Variants in CAPN15 observed in about 807,000 individuals in gnomAD.
The protein encoded by CAPN15 is calpain-15.
In CAPN15, 53 loss-of-function variants were observed where a neutral mutation model predicts 97.9. The ratio of observed to expected loss-of-function variants is 0.54; its 90% confidence interval spans 0.43 to 0.68. The LOEUF is 0.68. CAPN15 is among the 30% of genes least tolerant of loss of function. The pLI, the probability that CAPN15 is intolerant of heterozygous loss-of-function variation, is 0.00. For synonymous variants in CAPN15, 922 were observed against 722.5 expected (o/e 1.28, Z -4.43); for missense variants, 1,592 against 1,589.8 (o/e 1.00, Z -0.02).
At chr16:550,816 T>C (rs1432184761) in intron 7 of CAPN15, among the ~76,000 whole-genome samples, 1 of 42,164 alleles carries the variant, frequency 2.4e-5, no homozygotes, top group Non-Finnish European at 4.5e-5. Flanking sequence ...AGGGCCCCGG[T>C]CGGTGAGGGT....
intron 3 of CAPN15, among the ~76,000 whole-genome samples, chr16:542,974 T>C (rs8050046): frequency 0.71 from 108,548 of 151,820 alleles, 40,134 homozygotes; most frequent in East Asian, 0.98. Flanking sequence ...TCGCTTGAAC[T>C]TGGGAGGCGG....
At chr16:553,089 C>T in intron 13 of CAPN15, 48 bp downstream of exon 13, 1 of 1,119,986 alleles carries the variant, frequency 8.9e-7, no homozygotes, top group Non-Finnish European at 1.2e-6. Context: ...TGCCCCCTCC[C>T]CTACCCCGCT....
rs529932606 is a variant in CAPN15 at position 554,375 on chromosome 16, C to G, written c.*859C>G. On this transcript the variant is annotated 3_prime_UTR_variant, in exon 14 of 14. Transcript: ENST00000219611. ...TGCCCTCCTGGCCCCTCACTCCCGG[C>G]AGCGGGCCGGCCTCGCCCCCACTCC... 45 of 393,296 alleles carry G rather than the reference C, an allele frequency of 1.1e-4. No homozygotes were observed. The highest frequency in any genetic ancestry group is 8.2e-4 in the Admixed American group (28 of 34,164). 24.4% of individuals were successfully genotyped at this position (393,296 alleles called of 1,614,324 possible). A position where few individuals can be genotyped will look rare whatever the true frequency, so the allele number is the denominator to read the frequency against.
At chr16:548,426 C>A in intron 4 of CAPN15, 139 bp downstream of exon 4, 1 of 872,306 alleles carries the variant, frequency 1.1e-6, no homozygotes, top group Admixed American at 3.6e-5. Context: ...CACCCTCCGC[C>A]CCGAGGCTCC....
chr16:551,209 G>A (rs1310924739), intron 7 of CAPN15, 93 bp from the exon 8 acceptor site: 3 of 1,471,542 alleles, frequency 2.0e-6, no homozygotes, highest in Non-Finnish European at 1.8e-6. Flanking sequence ...AGGGTCCCCA[G>A]TCGGTGAGGG....
intron 7 of CAPN15, among the ~76,000 whole-genome samples, chr16:550,894 CT>C (rs1461041327): frequency 4.7e-5 from 6 of 126,510 alleles, no homozygotes; most frequent in Admixed American, 7.4e-5. Context: ...GGTGAGGTCC[CT>C]GGTCGGTGAG....
At position 552,526 on chromosome 16, in the gene CAPN15, C is replaced by G; in HGVS notation, c.2733C>G (p.Pro911=). 1 of 1,599,378 alleles carries G rather than the reference C, an allele frequency of 6.3e-7. No homozygotes were observed. ...WGPPLPGTPA[P]QASSPSAGVP... The stretch of plus-strand genomic sequence containing the variant: ...CGCCCCTGCCGGGCACCCCTGCCCC[C>G]CAGGGTACGTGGCCCCTACCCCAGG... Residue 911 remains proline (P), a synonymous_variant, in exon 11 of 14, where the codon CCC becomes CCG. Transcript: ENST00000219611. The surrounding 1 kb of genome is among the most constrained non-coding windows in gnomAD (Gnocchi z 6.4).
chr16:542,509 C>A (rs966498200), intron 3 of CAPN15, among the ~76,000 whole-genome samples: 1 of 152,144 alleles, frequency 6.6e-6, no homozygotes, highest in Non-Finnish European at 1.5e-5. Flanking sequence ...TGGCTTTGAT[C>A]TGCGTTTCCC....
intron 1 of CAPN15, among the ~76,000 whole-genome samples, chr16:529,967 C>T (rs947239646): frequency 6.6e-6 from 1 of 152,260 alleles, no homozygotes; most frequent in African/African-American, 2.4e-5. Context: ...CTCTGTCCCT[C>T]TGGTCCTGCC....
Position 553,474 on chromosome 16 carries a change from C to T in CAPN15, c.3219C>T (p.Leu1073=), listed in dbSNP as rs375423362. 4 of 1,611,192 alleles carry T rather than the reference C, an allele frequency of 2.5e-6. No individual in the cohort carries two copies. Among genetic ancestry groups the T allele is most frequent in the Admixed American group, 3.3e-5 (2 of 59,920 alleles). The change falls in exon 14 of 14, where the codon CTC becomes CTT. Residue 1073 remains leucine (L), a synonymous_variant. Coordinates refer to ENST00000219611, the MANE Select transcript of CAPN15 (RefSeq NM_005632.3). ...TASKGTHSPP[L]TPEVAGLHGP... is the part of the protein sequence containing the mutation. ...CCAAGGGGACCCACAGCCCCCCACT[C>T]ACGCCAGAGGTCGCCGGTCTGCATG...
At chr16:531,534 G>A (rs1409874751) in intron 1 of CAPN15, among the ~76,000 whole-genome samples, 1 of 152,236 alleles carries the variant, frequency 6.6e-6, no homozygotes, top group African/African-American at 2.4e-5. Flanking sequence ...CTGCAGAGAG[G>A]CTGGAGCTGA....
chr16:538,211 C>T (rs111279842), intron 3 of CAPN15: 4 of 152,202 alleles, frequency 2.6e-5, no homozygotes, highest in Admixed American at 1.3e-4. Context: ...TGTGGAGAAG[C>T]GCCTGCAGGC....
At chr16:530,280 C>T (rs78834549) in intron 1 of CAPN15, among the ~76,000 whole-genome samples, 3,363 of 152,312 alleles carry the variant, frequency 0.022, 130 homozygotes, top group African/African-American at 0.077. Flanking sequence ...GGGCAGGGTC[C>T]GTTTCTGTTT....
In CAPN15 at chr16:549,598, G is replaced by T; in HGVS notation, c.1843-17G>T. On this transcript the variant is annotated splice_polypyrimidine_tract_variant and intron_variant, in intron 6 of 13. Transcript: ENST00000219611. ...TGGGGGGCGGGCGGGGGTGGCCTCT[G>T]ACCCGGCCCTCTGCAGGCGCAGCGG... The T allele has an allele frequency of 6.5e-7, 1 of 1,528,688 alleles. No homozygotes were observed. Among genetic ancestry groups the T allele is most frequent in the South Asian group, 1.2e-5 (1 of 83,590 alleles). 94.7% of individuals were successfully genotyped at this position (1,528,688 alleles called of 1,614,324 possible).
intron 3 of CAPN15, chr16:540,193 G>A (rs2034017092): frequency 9.1e-6 from 9 of 985,456 alleles, no homozygotes; most frequent in Non-Finnish European, 9.6e-6. Context: ...GGGGGCCATG[G>A]GGAGCTCCGC....
intron 2 of CAPN15, 80 bp downstream of exon 2, chr16:534,078 A>G: frequency 1.5e-6 from 1 of 651,404 alleles, no homozygotes; most frequent in Non-Finnish European, 1.8e-6. Flanking sequence ...GCAGGGTTGG[A>G]GTGCCCACGG....
At chr16:536,436 T>A (rs1301705766) in intron 3 of CAPN15, among the ~76,000 whole-genome samples, 1 of 151,908 alleles carries the variant, frequency 6.6e-6, no homozygotes, top group South Asian at 2.1e-4. Flanking sequence ...ATTTTTTTTT[T>A]TTTTGAGACG....
Position 552,801 on chromosome 16 carries a change from T to TGGGGGGGGGGGG in CAPN15, c.2904+34_2904+35insGGGGGGGGGGGG. ...GTGGGGGTCCCGGGGGAGGGTGGCG[T>TGGGGGGGGGGGG]GGGGCAGGGGGAGTATGCCCCAGCA... On this transcript the variant is annotated intron_variant, in intron 12 of 13. Coordinates refer to ENST00000219611, the MANE Select transcript of CAPN15 (RefSeq NM_005632.3). This position sits in a 1 kb window ranked among gnomAD's most constrained non-coding sequence, Gnocchi z 6.4. The TGGGGGGGGGGGG allele has an allele frequency of 2.7e-6, 4 of 1,504,530 alleles. No homozygotes were observed. Among genetic ancestry groups the TGGGGGGGGGGGG allele is most frequent in the African/African-American group, 2.8e-5 (2 of 70,462 alleles). The allele number at this position is 1,504,530 out of a possible 1,614,324, so 93.2% of individuals were successfully genotyped here. A position where few individuals can be genotyped will look rare whatever the true frequency, so the allele number is the denominator to read the frequency against.
chr16:538,465 C>G (rs1289747934), intron 3 of CAPN15: 1 of 152,262 alleles, frequency 6.6e-6, no homozygotes, highest in Non-Finnish European at 1.5e-5. Flanking sequence ...ATGGCAGGGT[C>G]TCCAGGGTGC....
Sources: gnomAD v4.1 joint callset for allele counts (sites outside exome capture counted in the v4.1 genomes callset) on GRCh38, gnomAD v4.1.1 for gene constraint, Gnocchi (gnomAD v3.1) non-coding constraint, MANE v1.5 for transcripts, NCBI Gene and HGNC (gene_info 2026-07-23, HGNC 2026-07-21) for gene names.